RIPOR2: variants seen among roughly 807,000 people sequenced by gnomAD.
RIPOR2 encodes RHO family interacting cell polarization regulator 2.
In RIPOR2, 39 loss-of-function variants were observed where a neutral mutation model predicts 114.5. The observed-to-expected ratio is 0.34, with a 90% CI of 0.26 to 0.44. The LOEUF (loss-of-function observed/expected upper bound fraction) is 0.44. Ranked by LOEUF, RIPOR2 falls within the 20% of genes least tolerant of loss-of-function variation. The pLI is 1.00. For missense variants in RIPOR2, 1,007 were observed against 1,255.1 expected (o/e 0.80, Z 2.99); for synonymous variants, 445 against 484.4 (o/e 0.92, Z 1.07).
At chr6:24,870,062 A>T (rs1765009554) in intron 5 of RIPOR2, among the ~76,000 whole-genome samples, 1 of 152,222 alleles carries the variant, frequency 6.6e-6, no homozygotes, top group African/African-American at 2.4e-5. Flanking sequence ...AAATTTTTTT[A>T]AAAAGAAAGA....
rs767133936 is a variant in RIPOR2 at position 24,806,428 on chromosome 6, C to T, written c.3089G>A (p.Arg1030Gln). ...ACGACCTCCGACTTTAACACAGTCT[C>T]GAGGAAATTTGTCCAATTGTTCATA... ...LAYEQLDKFP[R>Q]DCVKVGGRHG... The change falls in exon 22 of 22, where the codon CGA (arginine) becomes CAA (glutamine). Residue 1030 changes from arginine (R) to glutamine (Q), a missense_variant. Transcript: ENST00000643898. 2.6e-6 allele frequency: 4 copies of T among 1,551,774 alleles called. No individual in the cohort carries two copies. The highest frequency in any genetic ancestry group is 2.4e-5 in the South Asian group (2 of 84,030).
At chr6:24,976,173 G>A (rs1234202855) in intron 1 of RIPOR2, among the ~76,000 whole-genome samples, 5 of 151,842 alleles carry the variant, frequency 3.3e-5, no homozygotes, top group Non-Finnish European at 7.4e-5. Context: ...AAATAACAAG[G>A]AAAAAGAATA....
chr6:24,894,182 T>C (rs1010217952), intron 1 of RIPOR2, among the ~76,000 whole-genome samples: 1 of 152,212 alleles, frequency 6.6e-6, no homozygotes, highest in African/African-American at 2.4e-5. Context: ...AACACCTTGA[T>C]TGACGAAGGT....
intron 1 of RIPOR2, among the ~76,000 whole-genome samples, chr6:24,903,097 C>T (rs565026605): frequency 2.0e-5 from 3 of 152,306 alleles, no homozygotes; most frequent in Non-Finnish European, 2.9e-5. Context: ...CATGGAACAG[C>T]AGGGTTTGGA....
At chr6:24,939,031 G>A (rs1265796263), upstream of RIPOR2, among the ~76,000 whole-genome samples, 4 of 152,076 alleles carry the variant, frequency 2.6e-5, no homozygotes, top group African/African-American at 7.2e-5. Flanking sequence ...GTAGGTAATC[G>A]CTAACACAGA....
intron 1 of RIPOR2, among the ~76,000 whole-genome samples, chr6:24,973,447 CAA>C (rs567489823): frequency 6.6e-6 from 1 of 150,542 alleles, no homozygotes; most frequent in Non-Finnish European, 1.5e-5. Context: ...ACTAAAAATA[CAA>C]AAAAAAATTA....
chr6:25,023,964 C>A, intron 1 of RIPOR2: 1 of 732,760 alleles, frequency 1.4e-6, no homozygotes. Flanking sequence ...TCCACGGGTT[C>A]TTGGGAGTGA....
chr6:25,040,138 A>T (rs977219280), intron 1 of RIPOR2, among the ~76,000 whole-genome samples: 6 of 143,514 alleles, frequency 4.2e-5, no homozygotes, highest in Admixed American at 7.0e-5. Context: ...TTTTTTTTAG[A>T]TGGAGTTTCG....
In RIPOR2 at chr6:24,835,693, C is replaced by T. The variant is rs758407279; in HGVS notation, c.2208+10G>A. 55 of 1,550,490 alleles carry T rather than the reference C, an allele frequency of 3.5e-5. No individual in the cohort carries two copies. The South Asian group carries it at 6.2e-4, about 17-fold the overall frequency. On this transcript the variant is annotated intron_variant, in intron 15 of 21. Coordinates refer to ENST00000643898, the MANE Select transcript of RIPOR2 (RefSeq NM_001286445.3). ...TGGCATCTCAAACACAAATTCATCG[C>T]TGATCCTACCTGCACGAGTTGGGTG...
At chr6:24,873,192 A>G (rs757441999) in intron 3 of RIPOR2, among the ~76,000 whole-genome samples, 2 of 152,376 alleles carry the variant, frequency 1.3e-5, no homozygotes, top group Non-Finnish European at 2.9e-5. Context: ...AGTCGAGAAA[A>G]GAAAAACCAG....
chr6:24,997,338 G>A (rs1775091926), intron 1 of RIPOR2, among the ~76,000 whole-genome samples: 1 of 152,132 alleles, frequency 6.6e-6, no homozygotes, highest in Non-Finnish European at 1.5e-5. Context: ...GCATTTGGAG[G>A]GGAGGTGGGG....
At chr6:25,024,379 G>T in intron 1 of RIPOR2, 1 of 1,316,364 alleles carries the variant, frequency 7.6e-7, no homozygotes, top group Non-Finnish European at 1.1e-6. Context: ...GTGTTGGCCA[G>T]GTAGGCAATG....
chr6:24,914,620 CT>C (rs576569120), intron 1 of RIPOR2, among the ~76,000 whole-genome samples: 14 of 152,298 alleles, frequency 9.2e-5, no homozygotes, highest in African/African-American at 3.4e-4. Context: ...TGAAAATGGC[CT>C]CTTTTAATAA....
intron 15 of RIPOR2, among the ~76,000 whole-genome samples, chr6:24,835,441 C>A (rs966110004): frequency 1.3e-5 from 2 of 152,000 alleles, no homozygotes; most frequent in Non-Finnish European, 2.9e-5. Context: ...TTCTCAGGTA[C>A]TACCAAATGA....
intron 1 of RIPOR2, among the ~76,000 whole-genome samples, chr6:25,017,778 G>C (rs762459130): frequency 1.3e-4 from 20 of 152,210 alleles, no homozygotes; most frequent in Non-Finnish European, 2.1e-4. Context: ...TTGACAGATG[G>C]GAATGCAGGA....
chr6:24,937,444 C>G (rs1433167690), upstream of RIPOR2, among the ~76,000 whole-genome samples: 1 of 152,174 alleles, frequency 6.6e-6, no homozygotes, highest in East Asian at 1.9e-4. Context: ...TGGAGTTATC[C>G]TTTTCTCTAG....
At chr6:25,032,983 T>C (rs1020005024) in intron 1 of RIPOR2, among the ~76,000 whole-genome samples, 2 of 152,180 alleles carry the variant, frequency 1.3e-5, no homozygotes, top group African/African-American at 4.8e-5. Flanking sequence ...GATGGGAAAA[T>C]TGCTTGAGCC....
intron 16 of RIPOR2, among the ~76,000 whole-genome samples, chr6:24,831,457 G>A (rs1760686433): frequency 6.6e-6 from 1 of 152,130 alleles, no homozygotes; most frequent in Non-Finnish European, 1.5e-5. Context: ...TACCAGGTGG[G>A]ACAGGAACAA....
chr6:24,977,908 G>C (rs1335593809), intron 1 of RIPOR2, among the ~76,000 whole-genome samples: 1 of 152,142 alleles, frequency 6.6e-6, no homozygotes, highest in Non-Finnish European at 1.5e-5. Context: ...TGGCCAGCCT[G>C]AATGTCAGTC....
Sources: allele counts gnomAD v4.1 joint callset (sites outside exome capture counted in the v4.1 genomes callset), GRCh38; gene constraint gnomAD v4.1.1; transcripts MANE v1.5; gene names NCBI Gene and HGNC (gene_info 2026-07-23, HGNC 2026-07-21).